KGD4: variants seen among roughly 807,000 people sequenced by gnomAD.
KGD4 encodes alpha-ketoglutarate dehydrogenase subunit 4, also known as alpha-ketoglutarate dehydrogenase component 4.
At chr5:69,225,708 G>A in the KGD4 span, among the ~76,000 whole-genome samples, 1 of 151,872 alleles carries the variant, frequency 6.6e-6, no homozygotes, top group Admixed American at 6.6e-5. Context: ...AGCCTCCCAA[G>A]TAGCTAGGAT....
the KGD4 span, among the ~76,000 whole-genome samples, chr5:69,221,430 C>G: frequency 1.3e-5 from 2 of 152,030 alleles, no homozygotes; most frequent in African/African-American, 2.4e-5. Flanking sequence ...CAGTGCTATG[C>G]TATTTATAAG....
chr5:69,229,445 A>AAT, the KGD4 span: 1 of 412,098 alleles, frequency 2.4e-6, no homozygotes, highest in Non-Finnish European at 4.3e-6. Context: ...TATACTTATT[A>AAT]AAGTATACAT....
chr5:69,218,647 T>TA, the KGD4 span, among the ~76,000 whole-genome samples: 5 of 152,224 alleles, frequency 3.3e-5, no homozygotes, highest in Non-Finnish European at 7.3e-5. Context: ...AATTATTATA[T>TA]AAGTGGAACA....
At chr5:69,224,157 G>A in the KGD4 span, among the ~76,000 whole-genome samples, 1 of 152,072 alleles carries the variant, frequency 6.6e-6, no homozygotes, top group Non-Finnish European at 1.5e-5. Context: ...TTGGGAAGCC[G>A]AAGCAGGTGG....
chr5:69,217,774 C>T, the KGD4 span: 47 of 1,612,044 alleles, frequency 2.9e-5, no homozygotes, highest in Non-Finnish European at 3.8e-5. Flanking sequence ...CTGCCCGGGA[C>T]TCCAGTGATC....
At chr5:69,226,613 G>A in the KGD4 span, among the ~76,000 whole-genome samples, 5 of 152,198 alleles carry the variant, frequency 3.3e-5, no homozygotes, top group East Asian at 7.8e-4. Flanking sequence ...TTGGGAGGCC[G>A]AGGCACGCGG....
chr5:69,220,054 A>C, the KGD4 span, among the ~76,000 whole-genome samples: 1 of 151,902 alleles, frequency 6.6e-6, no homozygotes, highest in Admixed American at 6.6e-5. Flanking sequence ...AAATAGCAAG[A>C]CCCCATCTCT....
At chr5:69,225,102 A>G in the KGD4 span, among the ~76,000 whole-genome samples, 1 of 150,018 alleles carries the variant, frequency 6.7e-6, no homozygotes, top group South Asian at 2.1e-4. Flanking sequence ...AAAGGCAGTA[A>G]ATTTCCAGTG....
At chr5:69,229,021 C>CA in the KGD4 span, among the ~76,000 whole-genome samples, 813 of 50,508 alleles carry the variant, frequency 0.016, 61 homozygotes, top group African/African-American at 0.029. Flanking sequence ...AACTCCATCT[C>CA]AAAAAAAAAA....
At chr5:69,225,263 T>TC in the KGD4 span, among the ~76,000 whole-genome samples, 1 of 36,562 alleles carries the variant, frequency 2.7e-5, no homozygotes, top group African/African-American at 1.1e-4. Flanking sequence ...TAGCACCACA[T>TC]TTTTTTTTTT....
chr5:69,218,541 T>C, the KGD4 span, among the ~76,000 whole-genome samples: 7 of 151,902 alleles, frequency 4.6e-5, no homozygotes, highest in East Asian at 1.9e-4. Context: ...CTGGTTTAGA[T>C]AGACAGCTAA....
At chr5:69,220,585 G>A in the KGD4 span, among the ~76,000 whole-genome samples, 23,095 of 151,514 alleles carry the variant, frequency 0.15, 1,868 homozygotes, top group African/African-American at 0.21. Flanking sequence ...CTGCCCGGCC[G>A]CCACCCCGTC....
chr5:69,228,076 C>T, the KGD4 span: 5 of 732,646 alleles, frequency 6.8e-6, no homozygotes, highest in South Asian at 7.8e-5. Context: ...TATAATACTT[C>T]AAGAGTTATT....
At chr5:69,217,769 C>T in the KGD4 span, 24 of 1,610,934 alleles carry the variant, frequency 1.5e-5, no homozygotes, top group Non-Finnish European at 2.0e-5. Flanking sequence ...CACAGCTGCC[C>T]GGGACTCCAG....
At chr5:69,219,655 T>C in the KGD4 span, among the ~76,000 whole-genome samples, 15 of 152,014 alleles carry the variant, frequency 9.9e-5, no homozygotes, top group Non-Finnish European at 1.6e-4. Flanking sequence ...TACTCACCTA[T>C]TTAGAATTCA....
chr5:69,228,787 GGT>G, the KGD4 span, among the ~76,000 whole-genome samples: 1 of 152,134 alleles, frequency 6.6e-6, no homozygotes, highest in East Asian at 1.9e-4. Context: ...GGCCAAGGCA[GGT>G]GGGTCACCTG....
chr5:69,221,372 A>G, the KGD4 span, among the ~76,000 whole-genome samples: 1 of 152,142 alleles, frequency 6.6e-6, no homozygotes, highest in African/African-American at 2.4e-5. Context: ...GTCTCAAAAA[A>G]TAAATAATAA....
At chr5:69,222,367 G>A in the KGD4 span, among the ~76,000 whole-genome samples, 12 of 152,166 alleles carry the variant, frequency 7.9e-5, no homozygotes, top group African/African-American at 2.7e-4. Flanking sequence ...GGCAGAGGAC[G>A]TAAGCTGTAG....
At chr5:69,218,963 G>A in the KGD4 span, among the ~76,000 whole-genome samples, 2 of 152,152 alleles carry the variant, frequency 1.3e-5, no homozygotes, top group African/African-American at 2.4e-5. Flanking sequence ...ATAACCATAT[G>A]TATCAATAAT....
Sources: gnomAD v4.1 joint callset for allele counts (sites outside exome capture counted in the v4.1 genomes callset) on GRCh38, gnomAD v4.1.1 for gene constraint, MANE v1.5 for transcripts, NCBI Gene and HGNC (gene_info 2026-07-23, HGNC 2026-07-21) for gene names.